The following ERBB4 variants were observed in gnomAD, a reference collection of about 807,000 sequenced individuals.
ERBB4 encodes the protein receptor tyrosine-protein kinase erbB-4.
Under a neutral mutation model 158.0 loss-of-function variants are expected in ERBB4, and 42 were observed. That is an observed-to-expected ratio of 0.27 (90% CI 0.21 to 0.34). ERBB4 has a LOEUF of 0.34. Ranked by LOEUF, ERBB4 falls within the 10% of genes least tolerant of loss-of-function variation. The pLI is 1.00. For missense variants in ERBB4, 1,333 were observed against 1,624.1 expected, an observed-to-expected ratio of 0.82 and a Z score of 3.08; for synonymous variants, 583 against 558.7, an observed-to-expected ratio of 1.04 and a Z score of -0.61.
At chr2:212,308,130 T>C (rs575492586) in intron 1 of ERBB4, among the ~76,000 whole-genome samples, 52 of 151,204 alleles carry the variant, frequency 3.4e-4, no homozygotes, top group Non-Finnish European at 5.5e-4. Flanking sequence ...TAAAAATACT[T>C]GGTTGTTTAT....
At chr2:212,522,770 G>A (rs1692246046) in intron 1 of ERBB4, among the ~76,000 whole-genome samples, 1 of 151,962 alleles carries the variant, frequency 6.6e-6, no homozygotes, top group Non-Finnish European at 1.5e-5. Context: ...TTGAGAAATA[G>A]CTGTGTGATT....
intron 1 of ERBB4, among the ~76,000 whole-genome samples, chr2:212,347,902 T>C (rs550647492): frequency 1.3e-5 from 2 of 152,196 alleles, no homozygotes; most frequent in African/African-American, 2.4e-5. Context: ...TTTTATAATA[T>C]AGATATTTTA....
chr2:211,423,586 G>C (rs1428099106), intron 23 of ERBB4, among the ~76,000 whole-genome samples: 1 of 151,890 alleles, frequency 6.6e-6, no homozygotes, highest in Non-Finnish European at 1.5e-5. Context: ...GTAAGAGTTT[G>C]ATGTAAACAA....
At chr2:211,786,311 C>A (rs1259946409) in intron 4 of ERBB4, among the ~76,000 whole-genome samples, 1 of 151,814 alleles carries the variant, frequency 6.6e-6, no homozygotes, top group Non-Finnish European at 1.5e-5. Context: ...CCATAATAGT[C>A]AAAAAACAGT....
chr2:212,465,579 T>C (rs1163914428), intron 1 of ERBB4, among the ~76,000 whole-genome samples: 1 of 152,146 alleles, frequency 6.6e-6, no homozygotes, highest in Non-Finnish European at 1.5e-5. Flanking sequence ...CATATGAAAA[T>C]TGGAGCCAAA....
chr2:212,278,005 G>A (rs1042101659), intron 1 of ERBB4, among the ~76,000 whole-genome samples: 4 of 151,422 alleles, frequency 2.6e-5, no homozygotes, highest in Non-Finnish European at 5.9e-5. Flanking sequence ...GATAAAATTA[G>A]TATCACAATA....
chr2:211,450,895 A>C (rs892933110), intron 20 of ERBB4, among the ~76,000 whole-genome samples: 3 of 152,190 alleles, frequency 2.0e-5, no homozygotes, highest in Non-Finnish European at 4.4e-5. Flanking sequence ...AGGAGAAAGA[A>C]TTTATCACTC....
At chr2:211,513,910 T>C (rs1252973751) in intron 20 of ERBB4, among the ~76,000 whole-genome samples, 1 of 152,082 alleles carries the variant, frequency 6.6e-6, no homozygotes, top group East Asian at 1.9e-4. Flanking sequence ...ATGGGGTACA[T>C]GTGCTATTTT....
At chr2:211,902,267 T>C (rs953573392) in intron 3 of ERBB4, among the ~76,000 whole-genome samples, 12 of 152,102 alleles carry the variant, frequency 7.9e-5, no homozygotes, top group South Asian at 2.1e-4. Context: ...TATAACTAAA[T>C]AGAAAATGTT....
intron 20 of ERBB4, among the ~76,000 whole-genome samples, chr2:211,524,825 C>T (rs1191083607): frequency 6.6e-6 from 1 of 151,484 alleles, no homozygotes; most frequent in East Asian, 1.9e-4. Context: ...GGGGCTCCCA[C>T]AGTGCAGCGG....
At chr2:212,514,381 AG>A (rs1433206624) in intron 1 of ERBB4, among the ~76,000 whole-genome samples, 2 of 152,228 alleles carry the variant, frequency 1.3e-5, no homozygotes, top group Admixed American at 6.5e-5. Context: ...TGCCTATAAA[AG>A]TTACACTTTA....
chr2:212,434,549 T>C (rs750184401), intron 1 of ERBB4, among the ~76,000 whole-genome samples: 1 of 151,884 alleles, frequency 6.6e-6, no homozygotes, highest in Non-Finnish European at 1.5e-5. Context: ...CTACACTGCT[T>C]TTTACCACGA....
intron 2 of ERBB4, among the ~76,000 whole-genome samples, chr2:211,999,647 T>C (rs1266633048): frequency 6.6e-6 from 1 of 151,862 alleles, no homozygotes; most frequent in African/African-American, 2.4e-5. Flanking sequence ...GTTTACTGCT[T>C]TGTAATTAAT....
At chr2:211,687,388 A>G (rs1314352415) in intron 12 of ERBB4, among the ~76,000 whole-genome samples, 1 of 152,074 alleles carries the variant, frequency 6.6e-6, no homozygotes, top group Non-Finnish European at 1.5e-5. Context: ...AGTGGAGATG[A>G]AAATGTGAAC....
Position 211,377,701 on chromosome 2 carries a change from G to C in ERBB4, c.*5914C>G. On this transcript the variant is annotated 3_prime_UTR_variant, in exon 28 of 28. Transcript: ENST00000342788. ...TTAGGAACCAAATAAGATGAATAAA[G>C]CAAATAAGTTAATTTACTGGCAAAA... 1 of 232,360 alleles carries C rather than the reference G, an allele frequency of 4.3e-6. No homozygotes were observed. The highest frequency in any genetic ancestry group is 8.5e-6 in the Non-Finnish European group (1 of 117,532). The allele number at this position is 232,360 out of a possible 1,614,324, so 14.4% of individuals were successfully genotyped here.
At chr2:211,617,318 T>C (rs1480173360) in intron 19 of ERBB4, among the ~76,000 whole-genome samples, 2 of 152,150 alleles carry the variant, frequency 1.3e-5, no homozygotes, top group Non-Finnish European at 2.9e-5. Context: ...GTAATTTTCC[T>C]TTATAACTTC....
chr2:212,156,102 C>A (rs2081027902), intron 1 of ERBB4, among the ~76,000 whole-genome samples: 1 of 152,062 alleles, frequency 6.6e-6, no homozygotes, highest in South Asian at 2.1e-4. Flanking sequence ...TCTCCTGGGT[C>A]TTGTACTCAT....
chr2:211,515,287 T>C (rs1275998519), intron 20 of ERBB4, among the ~76,000 whole-genome samples: 1 of 152,084 alleles, frequency 6.6e-6, no homozygotes, highest in African/African-American at 2.4e-5. Context: ...AGACAATTTA[T>C]TGAAGGGTGT....
chr2:212,361,403 G>A (rs1220247260), intron 1 of ERBB4, among the ~76,000 whole-genome samples: 2 of 151,514 alleles, frequency 1.3e-5, no homozygotes, highest in African/African-American at 4.8e-5. Context: ...GCTCTTTCTG[G>A]AGTTAGTATA....
Sources: gnomAD v4.1 joint callset for allele counts (sites outside exome capture counted in the v4.1 genomes callset) on GRCh38, gnomAD v4.1.1 for gene constraint, MANE v1.5 for transcripts, NCBI Gene and HGNC (gene_info 2026-07-23, HGNC 2026-07-21) for gene names.